Variants in BBX observed in about 807,000 individuals in gnomAD.
BBX encodes the protein BBX high mobility group box domain containing.
Under a neutral mutation model 100.2 loss-of-function variants are expected in BBX, and 30 were observed. The ratio of observed to expected loss-of-function variants is 0.30; its 90% CI spans 0.22 to 0.41. BBX has a LOEUF of 0.41. Ranked by LOEUF, BBX falls within the 10% of genes least tolerant of loss-of-function variation. The pLI is 1.00. For missense variants in BBX, 1,023 were observed against 1,129.8 expected, an observed-to-expected ratio of 0.91 and a Z score of 1.35; for synonymous variants, 376 against 388.1, an observed-to-expected ratio of 0.97 and a Z score of 0.37.
intron 12 of BBX, 138 bp downstream of exon 12, chr3:107,774,995 C>A (rs2067211826): frequency 7.5e-6 from 7 of 931,126 alleles, no homozygotes; most frequent in Non-Finnish European, 1.5e-6. Context: ...TTAGTAGGCA[C>A]CCTAGTGAAC....
chr3:107,808,492 A>G lies in BBX; in HGVS notation c.*3035A>G, dbSNP rs2071168305. ...TCAGATGGAGACGCAGTACTGTTCC[A>G]GTTTTCTTTAGCCTTTTATTTATTT... On this transcript the variant is annotated 3_prime_UTR_variant, in exon 18 of 18. Coordinates refer to ENST00000325805, the MANE Select transcript of BBX (RefSeq NM_001142568.3). The G allele has an allele frequency of 6.6e-6, 1 of 152,182 alleles. No homozygotes were observed. The highest frequency in any genetic ancestry group is 2.4e-5 in the African/African-American group (1 of 41,452). The allele number at this position is 152,182 out of a possible 1,614,324, so 9.4% of individuals were successfully genotyped here.
At chr3:107,602,736 G>A (rs1313860180) in intron 2 of BBX, among the ~76,000 whole-genome samples, 1 of 152,212 alleles carries the variant, frequency 6.6e-6, no homozygotes, top group Admixed American at 6.5e-5. Context: ...CTGAAGATAT[G>A]ACTGAATTGC....
chr3:107,551,611 G>T (rs968555617), intron 2 of BBX, among the ~76,000 whole-genome samples: 3 of 152,208 alleles, frequency 2.0e-5, no homozygotes, highest in African/African-American at 7.2e-5. Flanking sequence ...AGATTTGTGT[G>T]TAAGGGAATA....
rs1231122645 is a variant in BBX, at chr3:107,572,233, C to T, written c.-84+45835C>T. On this transcript the variant is annotated intron_variant, in intron 2 of 17. Coordinates refer to ENST00000325805, the MANE Select transcript of BBX (RefSeq NM_001142568.3). ...GACACTCATTGTCTCTTGAACTTTT[C>T]CCGTCTGCTATATTCACGTAATCCT... 2.0e-5 allele frequency among the ~76,000 whole-genome samples: 3 copies of T among 152,272 alleles called. No individual in the cohort carries two copies. The East Asian group carries it at 5.8e-4, about 29-fold the overall frequency.
intron 5 of BBX, among the ~76,000 whole-genome samples, chr3:107,723,748 T>C (rs2062710402): frequency 6.6e-6 from 1 of 152,194 alleles, no homozygotes. Context: ...ACTCATCCTT[T>C]TTTATGGCTG....
intron 3 of BBX, among the ~76,000 whole-genome samples, chr3:107,696,204 T>A (rs1433339728): frequency 1.3e-5 from 2 of 151,834 alleles, no homozygotes; most frequent in African/African-American, 4.9e-5. Flanking sequence ...ACATTTAAAG[T>A]TAATATTGTT....
At chr3:107,761,811 G>A (rs973776338) in intron 10 of BBX, among the ~76,000 whole-genome samples, 2 of 152,168 alleles carry the variant, frequency 1.3e-5, no homozygotes, top group Non-Finnish European at 2.9e-5. Flanking sequence ...GAGCACAGAC[G>A]ACAGAGGCAG....
chr3:107,647,048 A>G (rs2057559544), intron 3 of BBX, among the ~76,000 whole-genome samples: 1 of 152,160 alleles, frequency 6.6e-6, no homozygotes, highest in Non-Finnish European at 1.5e-5. Context: ...GAATTTAATT[A>G]TTGTTTTTCT....
At chr3:107,616,332 C>G (rs2055276002) in intron 2 of BBX, among the ~76,000 whole-genome samples, 1 of 151,826 alleles carries the variant, frequency 6.6e-6, no homozygotes, top group Non-Finnish European at 1.5e-5. Flanking sequence ...TGATCTAAAG[C>G]ATTTTGGACA....
At chr3:107,665,998 T>A (rs2058720548) in intron 3 of BBX, among the ~76,000 whole-genome samples, 1 of 152,204 alleles carries the variant, frequency 6.6e-6, no homozygotes, top group South Asian at 2.1e-4. Context: ...CACCTTCATG[T>A]AGTCTTTCCA....
At chr3:107,712,805 T>A (rs2061815292) in intron 4 of BBX, among the ~76,000 whole-genome samples, 1 of 152,202 alleles carries the variant, frequency 6.6e-6, no homozygotes, top group Non-Finnish European at 1.5e-5. Flanking sequence ...CTCACTGCTC[T>A]CTGTGCTCAC....
chr3:107,693,857 A>G (rs1216726346), intron 3 of BBX, among the ~76,000 whole-genome samples: 3 of 149,182 alleles, frequency 2.0e-5, no homozygotes, highest in East Asian at 2.0e-4. Context: ...ATTTGTTTGT[A>G]TCCTCTTTTA....
chr3:107,758,298 G>A (rs1056839500), intron 10 of BBX, among the ~76,000 whole-genome samples: 5 of 151,322 alleles, frequency 3.3e-5, no homozygotes, highest in Admixed American at 6.6e-5. Context: ...ATCTGACCAG[G>A]CAAAAAAGAA....
intron 4 of BBX, 55 bp from the exon 5 acceptor site, chr3:107,716,552 A>C: frequency 6.3e-7 from 1 of 1,583,442 alleles, no homozygotes; most frequent in Non-Finnish European, 8.6e-7. Flanking sequence ...CTAACTGTTA[A>C]ATCAAAATTA....
intron 3 of BBX, among the ~76,000 whole-genome samples, chr3:107,683,597 C>A (rs1488754726): frequency 6.6e-6 from 1 of 152,136 alleles, no homozygotes; most frequent in African/African-American, 2.4e-5. Flanking sequence ...TTAGTCACTG[C>A]ATGTTCACAT....
chr3:107,616,281 A>T (rs2107673119), intron 2 of BBX, among the ~76,000 whole-genome samples: 1 of 151,964 alleles, frequency 6.6e-6, no homozygotes, highest in African/African-American at 2.4e-5. Flanking sequence ...GGTATAATGC[A>T]AATATTTCAA....
intron 2 of BBX, among the ~76,000 whole-genome samples, chr3:107,558,931 TG>T (rs1326713187): frequency 1.3e-5 from 2 of 152,184 alleles, no homozygotes; most frequent in Admixed American, 6.5e-5. Context: ...GAAATTATCA[TG>T]GAAGAGATGT....
intron 3 of BBX, among the ~76,000 whole-genome samples, chr3:107,664,005 C>T (rs2058607964): frequency 1.3e-5 from 2 of 152,108 alleles, no homozygotes; most frequent in Non-Finnish European, 2.9e-5. Context: ...CGAGGTTTCA[C>T]CGTGTTAGCC....
chr3:107,597,520 ATAT>A (rs1415633907), intron 2 of BBX, among the ~76,000 whole-genome samples: 2 of 152,152 alleles, frequency 1.3e-5, no homozygotes, highest in South Asian at 4.1e-4. Flanking sequence ...TAGTATATGA[ATAT>A]TATTGGGGAA....
Sources: gnomAD v4.1 joint callset for allele counts (sites outside exome capture counted in the v4.1 genomes callset) on GRCh38, gnomAD v4.1.1 for gene constraint, MANE v1.5 for transcripts, NCBI Gene and HGNC (gene_info 2026-07-23, HGNC 2026-07-21) for gene names.